The following IARS2 variants were observed in gnomAD, a reference collection of about 807,000 sequenced individuals.
The protein encoded by IARS2 is isoleucine--tRNA ligase, mitochondrial.
In IARS2, 56 loss-of-function variants were observed where a neutral mutation model predicts 126.3. The observed-to-expected ratio is 0.44, with a 90% confidence interval of 0.36 to 0.55. The LOEUF (loss-of-function observed/expected upper bound fraction) is 0.55. Among genes scored for constraint, IARS2 ranks in the 20% least tolerant of loss-of-function variants. The probability of loss-of-function intolerance (pLI) is 0.00; values close to 1 mark genes in which losing one functional copy is unlikely to be tolerated. For missense variants in IARS2, 1,127 were observed against 1,245.9 expected (o/e 0.90, Z 1.44); for synonymous variants, 407 against 441.1 (o/e 0.92, Z 0.97).
chr1:220,145,471 T>G (rs1026955772), intron 21 of IARS2, 38 bp from the exon 22 acceptor site: 1 of 1,567,914 alleles, frequency 6.4e-7, no homozygotes, highest in African/African-American at 1.4e-5. Flanking sequence ...ATGGTACAAA[T>G]TTAACATAAA....
At chr1:220,097,599 G>A (rs1279883841) in intron 2 of IARS2, among the ~76,000 whole-genome samples, 1 of 151,706 alleles carries the variant, frequency 6.6e-6, no homozygotes, top group African/African-American at 2.4e-5. Flanking sequence ...TCCTGACCTC[G>A]TGATCTGCCC....
At chr1:220,109,363 G>T (rs1178764891) in intron 10 of IARS2, among the ~76,000 whole-genome samples, 1 of 149,100 alleles carries the variant, frequency 6.7e-6, no homozygotes, top group Non-Finnish European at 1.5e-5. Flanking sequence ...CTGCACCACT[G>T]CACTCCATCC....
intron 18 of IARS2, among the ~76,000 whole-genome samples, chr1:220,139,970 G>A (rs1456944249): frequency 1.3e-5 from 2 of 152,114 alleles, no homozygotes; most frequent in Non-Finnish European, 2.9e-5. Flanking sequence ...ATGTCCTTTC[G>A]TAGTTCTCAG....
intron 21 of IARS2, among the ~76,000 whole-genome samples, chr1:220,143,527 T>C (rs1413045206): frequency 6.6e-6 from 1 of 152,186 alleles, no homozygotes; most frequent in Non-Finnish European, 1.5e-5. Context: ...GATAAAGTTC[T>C]GTTTCAAACA....
rs1657624943 is a variant in IARS2, at chr1:220,147,471, CTCT to C, written c.2897-19_2897-17del. ...ACAAGTTGAATGCCTATCAGAAATA[CTCT>C]TCATGTATTTTTTTATAGGTGGTGA... On this transcript the variant is annotated intron_variant, in intron 22 of 22. Transcript: ENST00000366922. 2 of 1,612,270 alleles carry C rather than the reference CTCT, an allele frequency of 1.2e-6. No homozygotes were observed. The highest frequency in any genetic ancestry group is 1.7e-4 in the Middle Eastern group (1 of 6,058).
chr1:220,103,883 T>A (rs1256499075), intron 8 of IARS2, among the ~76,000 whole-genome samples: 1 of 152,234 alleles, frequency 6.6e-6, no homozygotes, highest in Non-Finnish European at 1.5e-5. Context: ...AGGAAATGCA[T>A]ATACTTATTT....
chr1:220,142,383 T>TC (rs1412363540), intron 20 of IARS2, among the ~76,000 whole-genome samples: 1 of 152,110 alleles, frequency 6.6e-6, no homozygotes, highest in Non-Finnish European at 1.5e-5. Flanking sequence ...GTGCCTGTAG[T>TC]CCCAGCTACT....
At chr1:220,094,588 G>A in intron 1 of IARS2, 105 bp downstream of exon 1, 1 of 966,192 alleles carries the variant, frequency 1.0e-6, no homozygotes, top group Non-Finnish European at 1.5e-6. Context: ...CGGTGCGGGT[G>A]GGCGGGGGTG....
intron 12 of IARS2, among the ~76,000 whole-genome samples, chr1:220,123,788 T>C (rs1203320926): frequency 6.6e-6 from 1 of 152,230 alleles, no homozygotes; most frequent in Non-Finnish European, 1.5e-5. Context: ...GTAGAGCATA[T>C]TTAATTTATA....
intron 8 of IARS2, among the ~76,000 whole-genome samples, chr1:220,104,397 G>A (rs1365927148): frequency 2.0e-5 from 3 of 152,114 alleles, no homozygotes; most frequent in Non-Finnish European, 2.9e-5. Context: ...TCTTCATTTT[G>A]TTTTGAGACG....
rs752515272 is a variant in IARS2, at chr1:220,140,163, A to G, written c.2308-20A>G. ...TTTGCCTGTCTCAGCTTCCAAATTT[A>G]TTTTGGCTTTGTTCCCTAGATTACC... On this transcript the variant is annotated intron_variant, in intron 18 of 22. Coordinates refer to ENST00000366922, the MANE Select transcript of IARS2 (RefSeq NM_018060.4). The G allele has an allele frequency of 7.0e-7, 1 of 1,436,450 alleles. No homozygotes were observed. The highest frequency in any genetic ancestry group is 9.8e-7 in the Non-Finnish European group (1 of 1,020,040). 89.0% of individuals were successfully genotyped at this position (1,436,450 alleles called of 1,614,324 possible).
chr1:220,117,833 GTGT>G (rs1264477541), intron 12 of IARS2: 1 of 519,590 alleles, frequency 1.9e-6, no homozygotes, highest in Non-Finnish European at 4.0e-6. Flanking sequence ...TGGTTGCGTG[GTGT>G]TAGTCGATTT....
chr1:220,138,428 G>A (rs182854877), intron 17 of IARS2, among the ~76,000 whole-genome samples: 86 of 152,128 alleles, frequency 5.7e-4, no homozygotes, highest in African/African-American at 2.0e-3. Context: ...CCGAGATCGC[G>A]CCACTGGACT....
intron 14 of IARS2, among the ~76,000 whole-genome samples, chr1:220,130,996 A>C (rs1412577104): frequency 6.6e-6 from 1 of 152,150 alleles, no homozygotes; most frequent in Non-Finnish European, 1.5e-5. Flanking sequence ...ACTTTGCAGT[A>C]TATTTTGAAG....
At position 220,125,265 on chromosome 1, in the gene IARS2, G is replaced by T; in HGVS notation, c.1669G>T (p.Val557Leu). ...SQTTEHIVKL[V>L]EQHGSDIWWT... ...AACCACTGAGCATATTGTTAAACTAGTGGAACAACACGGCAGTGATATCTG... is the reference window on the plus strand; with the variant it reads ...AACCACTGAGCATATTGTTAAACTATTGGAACAACACGGCAGTGATATCTG... Residue 557 changes from valine (V) to leucine (L), a missense_variant, in exon 13 of 23, where the codon GTG (valine) becomes TTG (leucine). Transcript: ENST00000366922. 1 of 1,613,424 alleles carries T rather than the reference G, an allele frequency of 6.2e-7. No homozygotes were observed. Among genetic ancestry groups the T allele is most frequent in the South Asian group, 1.1e-5 (1 of 91,010 alleles).
chr1:220,147,584 G>A lies in IARS2; in HGVS notation c.2988G>A (p.Glu996=). 6.2e-7 allele frequency: 1 copy of A among 1,614,144 alleles called. No homozygotes were observed. The highest frequency in any genetic ancestry group is 8.5e-7 in the Non-Finnish European group (1 of 1,179,994). The change falls in exon 23 of 23, where the codon GAG becomes GAA. Residue 996 remains glutamate, a synonymous_variant. Transcript: ENST00000366922. The stretch of plus-strand genomic sequence containing the variant: ...CCCGTTGTTGGAAGTATACAGCGGA[G>A]TCTTCAGATACACTGTGTCCTCGAT... The part of the protein sequence containing the change: ...KCPRCWKYTA[E]SSDTLCPRCA...
rs1166153338 is a variant in IARS2 at position 220,142,932 on chromosome 1, G to A, written c.2561-12G>A. On this transcript the variant is annotated splice_polypyrimidine_tract_variant and intron_variant, in intron 20 of 22. Coordinates refer to ENST00000366922, the MANE Select transcript of IARS2 (RefSeq NM_018060.4). ...GTTTGTAAAGCAGTTTACTATTTTT[G>A]TTCTTCTGAAGAGCCCAAGAGTGTT... The A allele has an allele frequency of 6.4e-7, 1 of 1,569,834 alleles. No individual in the cohort carries two copies. The highest frequency in any genetic ancestry group is 8.7e-7 in the Non-Finnish European group (1 of 1,153,066).
At chr1:220,112,284 G>A (rs1178263866) in intron 11 of IARS2, among the ~76,000 whole-genome samples, 1 of 116,386 alleles carries the variant, frequency 8.6e-6, no homozygotes, top group Non-Finnish European at 1.8e-5. Flanking sequence ...ACAGGCGCCC[G>A]CCACCGCGCC....
intron 1 of IARS2, among the ~76,000 whole-genome samples, chr1:220,095,495 A>T (rs992035406): frequency 6.6e-6 from 1 of 152,236 alleles, no homozygotes; most frequent in Non-Finnish European, 1.5e-5. Flanking sequence ...AAGGTTTTTT[A>T]GTCAATACCT....
Sources: allele counts gnomAD v4.1 joint callset (sites outside exome capture counted in the v4.1 genomes callset), GRCh38; gene constraint gnomAD v4.1.1; transcripts MANE v1.5; gene names NCBI Gene and HGNC (gene_info 2026-07-23, HGNC 2026-07-21).